NFIX: variants seen among roughly 807,000 people sequenced by gnomAD.
NFIX encodes nuclear factor I X.
Under a neutral mutation model 53.3 loss-of-function variants are expected in NFIX, and 2 were observed. The observed-to-expected ratio is 0.04, with a 90% CI of 0.02 to 0.12. The LOEUF is 0.12. NFIX is among the 10% of genes least tolerant of loss of function. NFIX has a pLI of 1.00. For missense variants in NFIX, 310 were observed against 674.5 expected (o/e 0.46, Z 5.99); for synonymous variants, 244 against 289.0 (o/e 0.84, Z 1.58).
rs2018007090 is a variant in NFIX, at chr19:13,089,499, C to T, written c.1403-800C>T. 6.6e-6 allele frequency among the ~76,000 whole-genome samples: 1 copy of T among 152,198 alleles called. No homozygotes were observed. Among genetic ancestry groups the T allele is most frequent in the Non-Finnish European group, 1.5e-5 (1 of 68,010 alleles). On this transcript the variant is annotated intron_variant, in intron 9 of 10. Coordinates refer to ENST00000592199, the MANE Select transcript of NFIX (RefSeq NM_001365902.3). This position sits in a 1 kb window ranked among gnomAD's most constrained non-coding sequence, Gnocchi z 4.8. ...CCTAGGGCTCTGCCAGGCTCTCCAG[C>T]CTCCTCCTCCTCTATTGCCTTGGTC...
chr19:13,024,592 G>A, intron 1 of NFIX: 1 of 1,536,244 alleles, frequency 6.5e-7, no homozygotes, highest in Admixed American at 2.0e-5. Flanking sequence ...GACGGACACT[G>A]TGCCGGGGCG....
chr19:13,064,586 CCT>C (rs1184650923), intron 2 of NFIX, among the ~76,000 whole-genome samples: 1 of 152,204 alleles, frequency 6.6e-6, no homozygotes, highest in Non-Finnish European at 1.5e-5. Context: ...TGCAGAGAAA[CCT>C]CTCTGTTGCT....
rs2145432470 is a variant in NFIX at position 13,073,403 on chromosome 19, C to T, written c.623-19C>T. ...CCTTCTGGCCTTGTCTTGACTCACT[C>T]ATCCTTTCCCCTCTTCAGGGCACTT... On this transcript the variant is annotated intron_variant, in intron 3 of 10. Transcript: ENST00000592199. This position sits in a 1 kb window ranked among gnomAD's most constrained non-coding sequence, Gnocchi z 4.5. 1 of 1,610,100 alleles carries T rather than the reference C, an allele frequency of 6.2e-7. No homozygotes were observed. Among genetic ancestry groups the T allele is most frequent in the Middle Eastern group, 1.7e-4 (1 of 6,056 alleles).
intron 1 of NFIX, among the ~76,000 whole-genome samples, chr19:13,003,146 T>C (rs1219243776): frequency 2.0e-5 from 3 of 151,700 alleles, no homozygotes; most frequent in Non-Finnish European, 4.4e-5. Context: ...AGTCACACAC[T>C]CTCACTGGCA....
In NFIX at chr19:13,094,927, T is replaced by C. The variant is rs183935392; in HGVS notation, c.*278T>C. The stretch of plus-strand genomic sequence containing the variant: ...AACACGCGACATGGACTCTGTCAAG[T>C]AGAGGACAGAAAGCAAGAAAGGATG... On this transcript the variant is annotated 3_prime_UTR_variant, in exon 11 of 11. Coordinates refer to ENST00000592199, the MANE Select transcript of NFIX (RefSeq NM_001365902.3). The surrounding 1 kb of genome is among the most constrained non-coding windows in gnomAD (Gnocchi z 4.3). The C allele has an allele frequency of 1.1e-5, 5 of 458,956 alleles. No individual in the cohort carries two copies. The highest frequency in any genetic ancestry group is 4.0e-5 in the African/African-American group (2 of 50,438). The allele number at this position is 458,956 out of a possible 1,614,324, so 28.4% of individuals were successfully genotyped here. A position where few individuals can be genotyped will look rare whatever the true frequency, so the allele number is the denominator to read the frequency against.
Position 13,037,526 on chromosome 19 carries a change from T to C in NFIX, c.559+11974T>C, listed in dbSNP as rs1200208804. Among the ~76,000 whole-genome samples, 2 of 152,076 alleles carry C rather than the reference T, an allele frequency of 1.3e-5. No homozygotes were observed. Among genetic ancestry groups the C allele is most frequent in the Non-Finnish European group, 2.9e-5 (2 of 68,002 alleles). ...AGGTGGGATATAATCTTTTTAGGTG[T>C]ATGGGAGATTGCTTCATATAGGGTG... On this transcript the variant is annotated intron_variant, in intron 2 of 10. Transcript: ENST00000592199. The surrounding 1 kb of genome is among the most constrained non-coding windows in gnomAD (Gnocchi z 4.2).
chr19:13,067,817 A>G lies in NFIX; in HGVS notation c.560-5230A>G, dbSNP rs1342095815. On this transcript the variant is annotated intron_variant, in intron 2 of 10. Transcript: ENST00000592199. This position sits in a 1 kb window ranked among gnomAD's most constrained non-coding sequence, Gnocchi z 4.2. ...GGAAAATATATATATATATATTAAA[A>G]ACATGCATCCGGGCACGGTGGCTCA... Among the ~76,000 whole-genome samples, 1 of 152,058 alleles carries G rather than the reference A, an allele frequency of 6.6e-6. No individual in the cohort carries two copies. The highest frequency in any genetic ancestry group is 2.4e-5 in the African/African-American group (1 of 41,390).
chr19:13,041,410 A>G (rs1236129667), intron 2 of NFIX, among the ~76,000 whole-genome samples: 2 of 152,240 alleles, frequency 1.3e-5, no homozygotes, highest in East Asian at 1.9e-4. Flanking sequence ...AATAACTGCT[A>G]TTAACTTTTG....
At position 13,088,839 on chromosome 19, in the gene NFIX, C is replaced by A. The variant is rs2017961715; in HGVS notation, c.1402+703C>A. On this transcript the variant is annotated intron_variant, in intron 9 of 10. Coordinates refer to ENST00000592199, the MANE Select transcript of NFIX (RefSeq NM_001365902.3). The surrounding 1 kb of genome is among the most constrained non-coding windows in gnomAD (Gnocchi z 5.9). The stretch of plus-strand genomic sequence containing the variant: ...TTCATCTCTCTCTCTGTCTCTCTTT[C>A]TTTTCTTTTCTTTTCTTTTTTTTTC... Among the ~76,000 whole-genome samples the A allele has an allele frequency of 6.8e-6, 1 of 147,100 alleles. No individual in the cohort carries two copies. Among genetic ancestry groups the A allele is most frequent in the Non-Finnish European group, 1.6e-5 (1 of 64,462 alleles).
Position 13,073,288 on chromosome 19 carries a change from G to A in NFIX, c.623-134G>A, listed in dbSNP as rs1386093918. 5.3e-6 allele frequency: 5 copies of A among 944,530 alleles called. No individual in the cohort carries two copies. Among genetic ancestry groups the A allele is most frequent in the East Asian group, 4.8e-5 (2 of 41,398 alleles). The allele number at this position is 944,530 out of a possible 1,614,324, so 58.5% of individuals were successfully genotyped here. ...ACCTAGAGGATCCCCCCTGTTCGGT[G>A]TAGACCTGAGGGCTAGCCTGGAGCT... On this transcript the variant is annotated intron_variant, in intron 3 of 10. Transcript: ENST00000592199. This position sits in a 1 kb window ranked among gnomAD's most constrained non-coding sequence, Gnocchi z 4.5.
In NFIX at chr19:13,094,281, C is replaced by T. The variant is rs867863991; in HGVS notation, c.1495-354C>T. On this transcript the variant is annotated intron_variant, in intron 10 of 10. Coordinates refer to ENST00000592199, the MANE Select transcript of NFIX (RefSeq NM_001365902.3). The surrounding 1 kb of genome is among the most constrained non-coding windows in gnomAD (Gnocchi z 4.3). ...ACAAAAGCCCCAGCCTGGCATCTTCCCCACCCTCCAGGACCCACACAAAAA... is the reference window on the plus strand; with the variant it reads ...ACAAAAGCCCCAGCCTGGCATCTTCTCCACCCTCCAGGACCCACACAAAAA... 1.2e-4 allele frequency among the ~76,000 whole-genome samples: 18 copies of T among 152,228 alleles called. No homozygotes were observed. The highest frequency in any genetic ancestry group is 3.9e-4 in the African/African-American group (16 of 41,458).
chr19:13,047,714 C>T (rs1276922101), intron 2 of NFIX, among the ~76,000 whole-genome samples: 1 of 152,160 alleles, frequency 6.6e-6, no homozygotes, highest in African/African-American at 2.4e-5. Flanking sequence ...GCTTCCCGGA[C>T]ATCCCCACGT....
Position 13,021,548 on chromosome 19 carries a change from C to T in NFIX, c.28-3473C>T, listed in dbSNP as rs1195654863. Among the ~76,000 whole-genome samples the T allele has an allele frequency of 6.6e-6, 1 of 152,144 alleles. No homozygotes were observed. The highest frequency in any genetic ancestry group is 2.4e-5 in the African/African-American group (1 of 41,442). ...GAGTGAGCAGTGACCTTTTTTCCGTCGCCAGCTGAGGACTGAGCCTCGCTG... is the reference window on the plus strand; with the variant it reads ...GAGTGAGCAGTGACCTTTTTTCCGTTGCCAGCTGAGGACTGAGCCTCGCTG... On this transcript the variant is annotated intron_variant, in intron 1 of 10. Coordinates refer to ENST00000592199, the MANE Select transcript of NFIX (RefSeq NM_001365902.3). This position sits in a 1 kb window ranked among gnomAD's most constrained non-coding sequence, Gnocchi z 4.2.
At chr19:13,065,853 C>T (rs559493637) in intron 2 of NFIX, among the ~76,000 whole-genome samples, 1 of 152,240 alleles carries the variant, frequency 6.6e-6, no homozygotes, top group South Asian at 2.1e-4. Flanking sequence ...AGAAGAACTC[C>T]CTGGAGGGCT....
At position 12,996,325 on chromosome 19, in the gene NFIX, C is replaced by T. The variant is rs1019561441; in HGVS notation, c.27+461C>T. Among the ~76,000 whole-genome samples the T allele has an allele frequency of 7.2e-5, 11 of 152,026 alleles. No homozygotes were observed. The highest frequency in any genetic ancestry group is 1.6e-4 in the Non-Finnish European group (11 of 67,974). ...AGGGCGCAGAGGGGACACTGGGTCC[C>T]GCGACGCTTCCTGGGGAGGGCGCAG... On this transcript the variant is annotated intron_variant, in intron 1 of 10. Transcript: ENST00000592199. The surrounding 1 kb of genome is among the most constrained non-coding windows in gnomAD (Gnocchi z 5.2).
At chr19:13,071,510 G>A (rs929482980) in intron 2 of NFIX, 13 of 152,218 alleles carry the variant, frequency 8.5e-5, no homozygotes, top group Non-Finnish European at 1.6e-4. Flanking sequence ...CACCAGGGCT[G>A]AGCGAAAGGG....
rs2014296030 is a variant in NFIX at position 13,037,623 on chromosome 19, G to A, written c.559+12071G>A. On this transcript the variant is annotated intron_variant, in intron 2 of 10. Coordinates refer to ENST00000592199, the MANE Select transcript of NFIX (RefSeq NM_001365902.3). This position sits in a 1 kb window ranked among gnomAD's most constrained non-coding sequence, Gnocchi z 4.2. ...CCTTTGGCAGATGAGGGGATTGGAA[G>A]AAGGCTGGATGACCAACTCGTCCTG... Among the ~76,000 whole-genome samples, 1 of 152,204 alleles carries A rather than the reference G, an allele frequency of 6.6e-6. No homozygotes were observed. The highest frequency in any genetic ancestry group is 6.5e-5 in the Admixed American group (1 of 15,290).
Position 13,067,532 on chromosome 19 carries a change from G to T in NFIX, c.560-5515G>T, listed in dbSNP as rs1277891286. On this transcript the variant is annotated intron_variant, in intron 2 of 10. Transcript: ENST00000592199. This position sits in a 1 kb window ranked among gnomAD's most constrained non-coding sequence, Gnocchi z 4.2. ...TGTGTGTGTCTGAGTCTGAGCATAT[G>T]AGTGTATGCATCCAAGTGTATGCAC... 6.6e-6 allele frequency among the ~76,000 whole-genome samples: 1 copy of T among 152,048 alleles called. No homozygotes were observed. The highest frequency in any genetic ancestry group is 1.5e-5 in the Non-Finnish European group (1 of 67,996).
At chr19:13,055,963 G>A (rs2015658647) in intron 2 of NFIX, among the ~76,000 whole-genome samples, 1 of 152,180 alleles carries the variant, frequency 6.6e-6, no homozygotes, top group South Asian at 2.1e-4. Context: ...CTCAATATAC[G>A]TGTGGTTCCC....
Sources: allele counts gnomAD v4.1 joint callset (sites outside exome capture counted in the v4.1 genomes callset), GRCh38; gene constraint gnomAD v4.1.1; non-coding constraint Gnocchi (gnomAD v3.1); transcripts MANE v1.5; gene names NCBI Gene and HGNC (gene_info 2026-07-23, HGNC 2026-07-21).